Variants in MTFR1 observed in about 807,000 individuals in gnomAD.
MTFR1 encodes the protein chondrocyte protein with a poly-proline region.
Under a neutral mutation model 38.8 loss-of-function variants are expected in MTFR1, and 28 were observed. The observed-to-expected ratio is 0.72, with a 90% confidence interval of 0.53 to 0.99. The LOEUF (loss-of-function observed/expected upper bound fraction) is 0.99. Among genes scored for constraint, MTFR1 ranks in the 50% least tolerant of loss-of-function variants. The probability of loss-of-function intolerance (pLI) is 0.00; values close to 1 mark genes in which losing one functional copy is unlikely to be tolerated. For synonymous variants in MTFR1, 145 were observed against 137.0 expected (o/e 1.06, Z -0.41); for missense variants, 358 against 395.5 (o/e 0.91, Z 0.81).
intron 3 of MTFR1, chr8:65,719,665 C>T (rs1469880561): frequency 1.0e-5 from 6 of 581,844 alleles, no homozygotes; most frequent in Non-Finnish European, 6.1e-6. Flanking sequence ...TGTACATATC[C>T]ACTTTGAAGA....
chr8:65,769,305 T>C (rs1808961096), intron 3 of MTFR1, among the ~76,000 whole-genome samples: 1 of 150,906 alleles, frequency 6.6e-6, no homozygotes, highest in Admixed American at 6.6e-5. Flanking sequence ...TTTAAAAAAT[T>C]GTTATGAAAG....
At chr8:65,705,981 C>T (rs1805769492) in intron 5 of MTFR1, among the ~76,000 whole-genome samples, 1 of 152,162 alleles carries the variant, frequency 6.6e-6, no homozygotes, top group Non-Finnish European at 1.5e-5. Context: ...CCTGGCAAGA[C>T]TCAGTATTAA....
At chr8:65,694,631 T>A (rs1482284809) in intron 4 of MTFR1, among the ~76,000 whole-genome samples, 1 of 152,196 alleles carries the variant, frequency 6.6e-6, no homozygotes, top group South Asian at 2.1e-4. Context: ...TGGATCATAG[T>A]AGAGAATTTG....
chr8:65,668,172 TTTTTTTTTTTTC>T (rs1023138410), intron 1 of MTFR1, among the ~76,000 whole-genome samples: 8 of 148,394 alleles, frequency 5.4e-5, no homozygotes, highest in African/African-American at 2.0e-4. Flanking sequence ...AGATTTTCTT[TTTTTTTTTTTTC>T]TTTTTTTTTT....
At chr8:65,775,681 G>A (rs566981117), downstream of MTFR1, among the ~76,000 whole-genome samples, 23 of 152,374 alleles carry the variant, frequency 1.5e-4, no homozygotes, top group Admixed American at 7.8e-4. Context: ...AGGCTTGAGT[G>A]AAGTGGTGTG....
downstream of MTFR1, among the ~76,000 whole-genome samples, chr8:65,711,516 GGCACTTGGTTTCAATT>G (rs1191881385): frequency 1.3e-5 from 2 of 151,374 alleles, no homozygotes; most frequent in African/African-American, 4.8e-5. Context: ...GATAGAATGA[GGCACTTGGTTTCAATT>G]GCAGTAGGTT....
At chr8:65,678,730 G>A (rs929703310) in intron 2 of MTFR1, among the ~76,000 whole-genome samples, 3 of 151,892 alleles carry the variant, frequency 2.0e-5, no homozygotes, top group Non-Finnish European at 2.9e-5. Flanking sequence ...GTGAAACCCC[G>A]TCTCTACTAA....
intron 6 of MTFR1, 56 bp downstream of exon 6, chr8:65,707,312 T>C: frequency 6.5e-7 from 1 of 1,548,838 alleles, no homozygotes; most frequent in Non-Finnish European, 8.7e-7. Flanking sequence ...AAAACCAAAG[T>C]ACCAGGCTTC....
Position 65,710,541 on chromosome 8 carries a change from T to TAA in MTFR1, c.*1498_*1499dup, listed in dbSNP as rs1554552357. 1 of 152,558 alleles carries TAA rather than the reference T, an allele frequency of 6.6e-6. No individual in the cohort carries two copies. Among genetic ancestry groups the TAA allele is most frequent in the East Asian group, 1.9e-4 (1 of 5,182 alleles). The allele number at this position is 152,558 out of a possible 1,614,324, so 9.5% of individuals were successfully genotyped here. ...GTTACTGTTTTAAAATAAAGCAAAC[T>TAA]AACTGTTTTATTTTCCTTGGACCAT... On this transcript the variant is annotated 3_prime_UTR_variant, in exon 8 of 8. Coordinates refer to ENST00000262146, the MANE Select transcript of MTFR1 (RefSeq NM_014637.4).
At chr8:65,645,995 T>C (rs970191860) in intron 1 of MTFR1, among the ~76,000 whole-genome samples, 27 of 152,212 alleles carry the variant, frequency 1.8e-4, no homozygotes, top group Admixed American at 3.9e-4. Context: ...TCATTTAGTT[T>C]GTACTACCAG....
intron 3 of MTFR1, among the ~76,000 whole-genome samples, chr8:65,755,955 T>C (rs538063909): frequency 1.3e-5 from 2 of 152,376 alleles, no homozygotes; most frequent in East Asian, 3.9e-4. Context: ...CTACTGGTAA[T>C]GAACTCCCTC....
At chr8:65,767,935 G>C (rs1034348890) in intron 3 of MTFR1, among the ~76,000 whole-genome samples, 1 of 152,206 alleles carries the variant, frequency 6.6e-6, no homozygotes, top group African/African-American at 2.4e-5. Context: ...AGAAGTTCCA[G>C]AGGCCAGGAC....
chr8:65,726,587 T>A (rs1174228062), intron 3 of MTFR1, among the ~76,000 whole-genome samples: 2 of 152,326 alleles, frequency 1.3e-5, no homozygotes, highest in South Asian at 4.1e-4. Flanking sequence ...TATCTATTTA[T>A]GTAAATAAGT....
chr8:65,668,715 T>C (rs1298379757), intron 1 of MTFR1, among the ~76,000 whole-genome samples: 2 of 151,960 alleles, frequency 1.3e-5, no homozygotes, highest in East Asian at 3.9e-4. Flanking sequence ...AGTTTCATCA[T>C]GTTGGCCAGG....
At chr8:65,657,713 A>C (rs911559013) in intron 1 of MTFR1, among the ~76,000 whole-genome samples, 28 of 152,112 alleles carry the variant, frequency 1.8e-4, no homozygotes, top group African/African-American at 6.5e-4. Flanking sequence ...CTCTAAAAAA[A>C]AAAAAAAAGC....
intron 3 of MTFR1, among the ~76,000 whole-genome samples, chr8:65,752,767 G>T (rs1014076613): frequency 6.6e-6 from 1 of 152,054 alleles, no homozygotes; most frequent in African/African-American, 2.4e-5. Flanking sequence ...TTTAAAATCA[G>T]ACACTCTAAA....
At chr8:65,702,863 C>G (rs1805655979) in intron 4 of MTFR1, among the ~76,000 whole-genome samples, 1 of 151,958 alleles carries the variant, frequency 6.6e-6, no homozygotes, top group African/African-American at 2.4e-5. Context: ...AATTGTGCTA[C>G]AAAAGTGGCT....
intron 3 of MTFR1, among the ~76,000 whole-genome samples, chr8:65,739,315 C>A (rs910416516): frequency 6.6e-6 from 1 of 152,140 alleles, no homozygotes; most frequent in Non-Finnish European, 1.5e-5. Context: ...CTCACCCAGA[C>A]CAGACCAAAA....
chr8:65,698,288 A>C (rs1229246989), intron 4 of MTFR1, among the ~76,000 whole-genome samples: 1 of 151,674 alleles, frequency 6.6e-6, no homozygotes, highest in Non-Finnish European at 1.5e-5. Context: ...AGCTGGGGTT[A>C]CAGGTGTATG....
Sources: allele counts gnomAD v4.1 joint callset (sites outside exome capture counted in the v4.1 genomes callset), GRCh38; gene constraint gnomAD v4.1.1; transcripts MANE v1.5; gene names NCBI Gene and HGNC (gene_info 2026-07-23, HGNC 2026-07-21).